The following DCAF5 variants were observed in gnomAD, a reference collection of about 807,000 sequenced individuals.
DCAF5 encodes DDB1 and CUL4 associated factor 5.
Under a neutral mutation model 80.7 loss-of-function variants are expected in DCAF5, and 9 were observed. That is an observed-to-expected ratio of 0.11 (90% CI 0.07 to 0.19). DCAF5 has a LOEUF of 0.19. Ranked by LOEUF, DCAF5 falls within the 10% of genes least tolerant of loss-of-function variation. The probability of loss-of-function intolerance (pLI) is 1.00; values close to 1 mark genes in which losing one functional copy is unlikely to be tolerated. For missense variants in DCAF5, 842 were observed against 1,205.7 expected (o/e 0.70, Z 4.47); for synonymous variants, 433 against 461.9 (o/e 0.94, Z 0.80).
intron 5 of DCAF5, among the ~76,000 whole-genome samples, chr14:69,099,007 C>T (rs1302374307): frequency 2.6e-5 from 4 of 151,664 alleles, no homozygotes; most frequent in African/African-American, 9.7e-5. Flanking sequence ...AATCCCAGCA[C>T]TTTGGGAGGC....
rs79673745 is a variant in DCAF5 at position 69,148,819 on chromosome 14, T to C, written c.214+3946A>G. The stretch of plus-strand genomic sequence containing the variant: ...TACCAGTGAGGGCAATCTGTTATCC[T>C]CATTTTACAGATGAGTAGTGAAGGT... On this transcript the variant is annotated intron_variant, in intron 1 of 8. Coordinates refer to ENST00000341516, the MANE Select transcript of DCAF5 (RefSeq NM_003861.3). Among the ~76,000 whole-genome samples, 642 of 152,336 alleles carry C rather than the reference T, an allele frequency of 4.2e-3. 3 individuals are homozygous for C. The highest frequency in any genetic ancestry group is 0.015 in the African/African-American group (610 of 41,572).
intron 1 of DCAF5, among the ~76,000 whole-genome samples, chr14:69,140,315 C>A (rs924177707): frequency 6.6e-6 from 1 of 151,976 alleles, no homozygotes; most frequent in East Asian, 1.9e-4. Flanking sequence ...CATTCTACAG[C>A]CATATACCTG....
intron 1 of DCAF5, among the ~76,000 whole-genome samples, chr14:69,131,208 T>C (rs556926035): frequency 3.0e-4 from 46 of 152,382 alleles, no homozygotes; most frequent in African/African-American, 1.1e-3. Flanking sequence ...CTCTTGCAGA[T>C]AGCAATTTTA....
intron 5 of DCAF5, 136 bp downstream of exon 5, chr14:69,116,230 G>A (rs368393133): frequency 2.0e-5 from 21 of 1,050,104 alleles, no homozygotes; most frequent in Middle Eastern, 2.9e-4. Flanking sequence ...CCTGGCTTGA[G>A]AGACACTATA....
intron 2 of DCAF5, 86 bp downstream of exon 2, chr14:69,122,131 G>T (rs984198520): frequency 6.7e-7 from 1 of 1,494,608 alleles, no homozygotes; most frequent in African/African-American, 1.4e-5. Flanking sequence ...TGAAATACAG[G>T]AAGAAAAATA....
rs115142897 is a variant in DCAF5 at position 69,079,970 on chromosome 14, C to T, written c.880-4559G>A. 8.7e-3 allele frequency among the ~76,000 whole-genome samples: 1,327 copies of T among 152,108 alleles called. 21 individuals are homozygous for T. Among genetic ancestry groups the T allele is most frequent in the African/African-American group, 0.031 (1,267 of 41,480 alleles). Reference sequence around the variant, plus strand: ...TTTTACAGAGGGTGGTCACAGAAGGCCTCTTTGATAAAATGGTATTTTGAA... The same window carrying T: ...TTTTACAGAGGGTGGTCACAGAAGGTCTCTTTGATAAAATGGTATTTTGAA... On this transcript the variant is annotated intron_variant, in intron 6 of 8. Transcript: ENST00000341516.
chr14:69,086,428 G>C (rs1216638270), intron 6 of DCAF5, among the ~76,000 whole-genome samples: 1 of 151,572 alleles, frequency 6.6e-6, no homozygotes, highest in Non-Finnish European at 1.5e-5. Context: ...CAAGTTAAAG[G>C]GCTAAAAATA....
rs948906905 is a variant in DCAF5 at position 69,151,698 on chromosome 14, G to A, written c.214+1067C>T. On this transcript the variant is annotated intron_variant, in intron 1 of 8. Coordinates refer to ENST00000341516, the MANE Select transcript of DCAF5 (RefSeq NM_003861.3). Reference sequence around the variant, plus strand: ...TGGGCCCGCGACCCCAGGGAGGAGGGGACGACGGCGGCGAGCGCCCCCACC... The same window carrying A: ...TGGGCCCGCGACCCCAGGGAGGAGGAGACGACGGCGGCGAGCGCCCCCACC... 2.6e-5 allele frequency among the ~76,000 whole-genome samples: 4 copies of A among 152,106 alleles called. No homozygotes were observed. The East Asian group carries it at 5.8e-4, about 22-fold the overall frequency.
intron 5 of DCAF5, among the ~76,000 whole-genome samples, chr14:69,112,555 GA>G (rs1251190688): frequency 7.2e-6 from 1 of 139,494 alleles, no homozygotes; most frequent in Admixed American, 7.1e-5. Flanking sequence ...CTAAAAAAAA[GA>G]AAAAAACAGG....
chr14:69,152,564 G>A lies in DCAF5; in HGVS notation c.214+201C>T. On this transcript the variant is annotated intron_variant, in intron 1 of 8. Coordinates refer to ENST00000341516, the MANE Select transcript of DCAF5 (RefSeq NM_003861.3). The surrounding 1 kb of genome is among the most constrained non-coding windows in gnomAD (Gnocchi z 4.1). Reference sequence around the variant, plus strand: ...AATTAAGGAGCTGTCAACCATTTTAGGTCTTTTTTATAGAAGACATCCTCT... The same window carrying A: ...AATTAAGGAGCTGTCAACCATTTTAAGTCTTTTTTATAGAAGACATCCTCT... The A allele has an allele frequency of 1.7e-6, 1 of 586,700 alleles. No homozygotes were observed. The highest frequency in any genetic ancestry group is 3.0e-6 in the Non-Finnish European group (1 of 329,442). The allele number at this position is 586,700 out of a possible 1,614,324, so 36.3% of individuals were successfully genotyped here.
chr14:69,134,120 C>A (rs1231953655), intron 1 of DCAF5, among the ~76,000 whole-genome samples: 1 of 152,126 alleles, frequency 6.6e-6, no homozygotes, highest in Non-Finnish European at 1.5e-5. Context: ...AGTGAGGAAA[C>A]TGAGGCACAA....
intron 5 of DCAF5, among the ~76,000 whole-genome samples, chr14:69,114,187 CA>C (rs2040467096): frequency 6.6e-6 from 1 of 152,108 alleles, no homozygotes; most frequent in Non-Finnish European, 1.5e-5. Context: ...CAGTTTCTAT[CA>C]AAAGTTTAAA....
chr14:69,123,351 T>C (rs184081888), intron 1 of DCAF5, among the ~76,000 whole-genome samples: 2 of 152,166 alleles, frequency 1.3e-5, no homozygotes, highest in East Asian at 3.9e-4. Context: ...GGAATGAGCA[T>C]TGACAGTATG....
chr14:69,086,418 C>T (rs2039322980), intron 6 of DCAF5, among the ~76,000 whole-genome samples: 1 of 149,806 alleles, frequency 6.7e-6, no homozygotes, highest in African/African-American at 2.5e-5. Context: ...AAATGCTTTA[C>T]AAGTTAAAGG....
intron 5 of DCAF5, among the ~76,000 whole-genome samples, chr14:69,103,834 A>C (rs2040044566): frequency 6.6e-6 from 1 of 152,234 alleles, no homozygotes; most frequent in Non-Finnish European, 1.5e-5. Flanking sequence ...TATATCATTA[A>C]TGAGGATTAC....
intron 1 of DCAF5, among the ~76,000 whole-genome samples, chr14:69,135,880 A>C (rs1410416795): frequency 6.6e-6 from 1 of 152,198 alleles, no homozygotes; most frequent in African/African-American, 2.4e-5. Context: ...TGATCGATGT[A>C]TGATGTTATA....
At position 69,054,066 on chromosome 14, in the gene DCAF5, G is replaced by C. The variant is rs1221427872; in HGVS notation, c.2620C>G (p.Leu874Val). Reference sequence around the variant, plus strand: ...TCTTTGTGTAGGAGTGTCCCTGTCAGGGACGAGTTATCACGGTCAGTGTCT... The same window carrying C: ...TCTTTGTGTAGGAGTGTCCCTGTCACGGACGAGTTATCACGGTCAGTGTCT... ...HSDTDRDNSS[L>V]TGTLLHKDCC... is the part of the protein sequence containing the mutation. Residue 874 changes from leucine (L) to valine (V), a missense_variant, in exon 9 of 9, where the codon CTG becomes GTG. Leu to Val is a conservative substitution (Grantham distance 32). Transcript: ENST00000341516. The C allele has an allele frequency of 6.2e-7, 1 of 1,614,062 alleles. No individual in the cohort carries two copies.
chr14:69,061,989 TAAAAAA>T (rs2139847686), intron 8 of DCAF5, among the ~76,000 whole-genome samples: 1 of 152,174 alleles, frequency 6.6e-6, no homozygotes, highest in East Asian at 1.9e-4. Flanking sequence ...ACCCTGTCTC[TAAAAAA>T]ATTTTTTTAA....
chr14:69,131,472 C>T (rs930548151), intron 1 of DCAF5, among the ~76,000 whole-genome samples: 3 of 152,128 alleles, frequency 2.0e-5, no homozygotes, highest in African/African-American at 7.2e-5. Context: ...GAAAATAAGT[C>T]TGTTTTGTTA....
Sources: allele counts gnomAD v4.1 joint callset (sites outside exome capture counted in the v4.1 genomes callset), GRCh38; gene constraint gnomAD v4.1.1; non-coding constraint Gnocchi (gnomAD v3.1); transcripts MANE v1.5; gene names NCBI Gene and HGNC (gene_info 2026-07-23, HGNC 2026-07-21).